Variants in KLF8 observed in about 807,000 individuals in gnomAD.
The protein encoded by KLF8 is KLF transcription factor 8.
A neutral mutation model predicts 18.2 loss-of-function variants in KLF8; 10 were observed. The ratio of observed to expected loss-of-function variants is 0.55; its 90% CI spans 0.34 to 0.93. The LOEUF (loss-of-function observed/expected upper bound fraction) is 0.93. Ranked by LOEUF, KLF8 falls within the 40% of genes least tolerant of loss-of-function variation. The pLI is 0.02. For synonymous variants in KLF8, 109 were observed against 97.3 expected, an observed-to-expected ratio of 1.12 and a Z score of -0.71; for missense variants, 264 against 277.9, an observed-to-expected ratio of 0.95 and a Z score of 0.36.
chrX:56,181,468 C>T, the KLF8 span, among the ~76,000 whole-genome samples: 14 of 110,167 alleles, frequency 1.3e-4, no homozygotes, highest in Middle Eastern at 4.6e-3. Flanking sequence ...TTTACATTTA[C>T]GGTTAATATT....
intron 2 of KLF8, among the ~76,000 whole-genome samples, chrX:56,258,203 TA>T (rs1474644755): frequency 1.8e-5 from 2 of 112,642 alleles, no homozygotes; most frequent in Non-Finnish European, 3.7e-5. Flanking sequence ...TAGTATTAGA[TA>T]AAAATCTATT....
At chrX:56,092,555 C>G in the KLF8 span, among the ~76,000 whole-genome samples, 1 of 111,196 alleles carries the variant, frequency 9.0e-6, no homozygotes, top group African/African-American at 3.3e-5. Flanking sequence ...TGTCCTTTCC[C>G]CAGTGTAAAT....
At chrX:56,233,985 G>A (rs1237284724) in intron 1 of KLF8, among the ~76,000 whole-genome samples, 2 of 111,442 alleles carry the variant, frequency 1.8e-5, no homozygotes, top group African/African-American at 6.5e-5. Flanking sequence ...GTCTGTGTAG[G>A]TGGAAGACTG....
At chrX:56,013,068 T>C in the KLF8 span, among the ~76,000 whole-genome samples, 2 of 112,408 alleles carry the variant, frequency 1.8e-5, no homozygotes, top group Non-Finnish European at 3.8e-5. Flanking sequence ...TACAACCATC[T>C]GATCTGCAAC....
At chrX:56,081,439 G>T in the KLF8 span, among the ~76,000 whole-genome samples, 1 of 111,794 alleles carries the variant, frequency 8.9e-6, no homozygotes, top group Non-Finnish European at 1.9e-5. Context: ...AGTAGTTTCC[G>T]TGTTTCATTT....
the KLF8 span, among the ~76,000 whole-genome samples, chrX:56,048,234 G>A: frequency 9.0e-6 from 1 of 111,638 alleles, no homozygotes; most frequent in African/African-American, 3.3e-5. Flanking sequence ...TCACTCTGAT[G>A]ATGATTTCTT....
chrX:56,087,273 A>T, the KLF8 span, among the ~76,000 whole-genome samples: 5 of 110,633 alleles, frequency 4.5e-5, no homozygotes, highest in African/African-American at 6.6e-5. Flanking sequence ...TTTTATGTTG[A>T]ATTGTTATCC....
At chrX:55,962,414 T>C in the KLF8 span, 1 of 237,529 alleles carries the variant, frequency 4.2e-6, no homozygotes, top group Non-Finnish European at 8.0e-6. Context: ...TGGCCACATC[T>C]CTGTGGCAGG....
the KLF8 span, among the ~76,000 whole-genome samples, chrX:56,047,324 G>A: frequency 9.2e-6 from 1 of 108,858 alleles, no homozygotes; most frequent in Non-Finnish European, 1.9e-5. Context: ...GTGCAGGTTT[G>A]TTACATATGT....
At chrX:56,081,241 G>T in the KLF8 span, among the ~76,000 whole-genome samples, 1 of 111,299 alleles carries the variant, frequency 9.0e-6, no homozygotes, top group Non-Finnish European at 1.9e-5. Context: ...GGAGTTTCCA[G>T]TTTTTCTGTT....
chrX:55,947,232 C>T, the KLF8 span, among the ~76,000 whole-genome samples: 1 of 110,328 alleles, frequency 9.1e-6, no homozygotes, highest in African/African-American at 3.3e-5. Context: ...GACTTGGAAC[C>T]AAGCCAAATG....
At chrX:56,112,259 A>G in the KLF8 span, among the ~76,000 whole-genome samples, 3 of 111,367 alleles carry the variant, frequency 2.7e-5, no homozygotes, top group Admixed American at 1.9e-4. Flanking sequence ...GCAAGTTATC[A>G]CTCATAAGTT....
chrX:55,914,234 G>C, the KLF8 span, among the ~76,000 whole-genome samples: 2 of 111,662 alleles, frequency 1.8e-5, no homozygotes, highest in African/African-American at 6.5e-5. Context: ...GATGGCTTTT[G>C]AAATGGGGAA....
the KLF8 span, among the ~76,000 whole-genome samples, chrX:55,954,918 T>C: frequency 9.0e-6 from 1 of 111,594 alleles, no homozygotes; most frequent in South Asian, 3.7e-4. Context: ...AACCACATGT[T>C]GTATGATTCT....
the KLF8 span, among the ~76,000 whole-genome samples, chrX:56,003,384 T>C: frequency 9.3e-6 from 1 of 107,969 alleles, no homozygotes; most frequent in Non-Finnish European, 1.9e-5. Context: ...CACCCCAGCC[T>C]GGGTGACAGA....
At chrX:56,015,614 C>T in the KLF8 span, among the ~76,000 whole-genome samples, 2 of 112,093 alleles carry the variant, frequency 1.8e-5, no homozygotes, top group African/African-American at 6.5e-5. Flanking sequence ...AGCTCTAGCA[C>T]TTTCTGACCT....
intron 2 of KLF8, among the ~76,000 whole-genome samples, chrX:56,253,531 T>C (rs1260475497): frequency 9.0e-6 from 1 of 110,779 alleles, no homozygotes; most frequent in African/African-American, 3.3e-5. Flanking sequence ...GATGTATGGC[T>C]TTATTTCTGG....
At chrX:56,110,894 T>A in the KLF8 span, among the ~76,000 whole-genome samples, 4 of 111,852 alleles carry the variant, frequency 3.6e-5, no homozygotes, top group Non-Finnish European at 7.5e-5. Context: ...TGCTTTTATA[T>A]TTATTTATAT....
the KLF8 span, among the ~76,000 whole-genome samples, chrX:56,213,309 CTTTTCTTTTTT>C: frequency 8.5e-5 from 2 of 23,491 alleles, no homozygotes; most frequent in Admixed American, 3.6e-4. Flanking sequence ...CTTTTCTTTT[CTTTTCTTTTTT>C]TTTTTTTTTT....
Sources: allele counts gnomAD v4.1 joint callset (sites outside exome capture counted in the v4.1 genomes callset), GRCh38; gene constraint gnomAD v4.1.1; transcripts MANE v1.5; gene names NCBI Gene and HGNC (gene_info 2026-07-23, HGNC 2026-07-21).